ZBTB20: variants seen among roughly 807,000 people sequenced by gnomAD.
The protein encoded by ZBTB20 is zinc finger and BTB domain containing 20, also known as zinc finger and BTB domain-containing protein 20.
In ZBTB20, 9 loss-of-function variants were observed where a neutral mutation model predicts 56.9. The observed-to-expected ratio is 0.16, with a 90% CI of 0.10 to 0.28. The LOEUF (loss-of-function observed/expected upper bound fraction) is 0.28, where lower values mean the gene tolerates loss of function less well. Ranked by LOEUF, ZBTB20 falls within the 10% of genes least tolerant of loss-of-function variation. The probability of loss-of-function intolerance (pLI) is 1.00; values close to 1 mark genes in which losing one functional copy is unlikely to be tolerated. For missense variants in ZBTB20, 655 were observed against 1,003.0 expected, an observed-to-expected ratio of 0.65 and a Z score of 4.69; for synonymous variants, 417 against 420.7, an observed-to-expected ratio of 0.99 and a Z score of 0.11.
intron 6 of ZBTB20, among the ~76,000 whole-genome samples, chr3:114,677,313 C>T (rs1358355781): frequency 6.6e-6 from 1 of 152,138 alleles, no homozygotes; most frequent in Non-Finnish European, 1.5e-5. Context: ...CCTTGACCAG[C>T]AGCCGCCAGT....
chr3:114,795,543 C>A (rs765125681), intron 5 of ZBTB20, among the ~76,000 whole-genome samples: 13 of 152,112 alleles, frequency 8.5e-5, no homozygotes, highest in Non-Finnish European at 1.8e-4. Context: ...TTCTCCCCTC[C>A]CATACTCCGT....
rs1315953562 is a variant in ZBTB20 at position 114,934,194 on chromosome 3, C to T, written c.-455-33852G>A. 3.9e-5 allele frequency among the ~76,000 whole-genome samples: 6 copies of T among 152,266 alleles called. No individual in the cohort carries two copies. In the East Asian group the frequency reaches 1.2e-3, roughly 29 times the overall value. Reference sequence around the variant, plus strand: ...ATGGATCTTTGCACCAAGCATTGTTCCTACTGCCTAAAATGTACCTTCCCC... The same window carrying T: ...ATGGATCTTTGCACCAAGCATTGTTTCTACTGCCTAAAATGTACCTTCCCC... On this transcript the variant is annotated intron_variant, in intron 3 of 11. Transcript: ENST00000675478.
At chr3:114,727,350 G>A (rs1315873587) in intron 5 of ZBTB20, among the ~76,000 whole-genome samples, 1 of 152,100 alleles carries the variant, frequency 6.6e-6, no homozygotes, top group Non-Finnish European at 1.5e-5. Context: ...TTTGTACTTG[G>A]GCTGCACTTA....
intron 5 of ZBTB20, among the ~76,000 whole-genome samples, chr3:114,707,602 T>C (rs2063789728): frequency 1.3e-5 from 2 of 152,184 alleles, no homozygotes; most frequent in Admixed American, 1.3e-4. Context: ...AGCTACCACA[T>C]GAAGGACCCT....
intron 10 of ZBTB20, among the ~76,000 whole-genome samples, chr3:114,376,912 C>T (rs2083706036): frequency 6.6e-6 from 1 of 152,116 alleles, no homozygotes; most frequent in Admixed American, 6.6e-5. Context: ...CAATGGGAGC[C>T]TTATTTGGGG....
intron 3 of ZBTB20, among the ~76,000 whole-genome samples, chr3:114,965,399 CCTGT>C (rs987827066): frequency 1.3e-4 from 20 of 152,122 alleles, no homozygotes; most frequent in African/African-American, 3.9e-4. Context: ...ACTTATTCCT[CCTGT>C]CTAAGTGAAA....
chr3:115,055,844 T>C (rs1250473367), intron 2 of ZBTB20, among the ~76,000 whole-genome samples: 1 of 152,128 alleles, frequency 6.6e-6, no homozygotes, highest in Non-Finnish European at 1.5e-5. Flanking sequence ...TAATTGAAAT[T>C]AATTATAGAG....
intron 3 of ZBTB20, among the ~76,000 whole-genome samples, chr3:114,935,018 G>T (rs1251666377): frequency 6.6e-6 from 1 of 152,022 alleles, no homozygotes; most frequent in African/African-American, 2.4e-5. Flanking sequence ...GGTTTTTATA[G>T]ATATGATTGC....
At chr3:114,556,929 G>A (rs1042374482) in intron 6 of ZBTB20, among the ~76,000 whole-genome samples, 1 of 152,052 alleles carries the variant, frequency 6.6e-6, no homozygotes, top group Non-Finnish European at 1.5e-5. Flanking sequence ...TGTGAACTGA[G>A]CAAAACAACC....
intron 5 of ZBTB20, among the ~76,000 whole-genome samples, chr3:114,782,471 A>AGTGTGCTCTG (rs2070175733): frequency 6.6e-6 from 1 of 152,202 alleles, no homozygotes; most frequent in African/African-American, 2.4e-5. Flanking sequence ...GCTGGGGATA[A>AGTGTGCTCTG]ATGCTCTAAG....
chr3:115,037,027 G>C lies in ZBTB20; in HGVS notation c.-507+34192C>G, dbSNP rs374807447. 2.4e-4 allele frequency among the ~76,000 whole-genome samples: 36 copies of C among 152,228 alleles called. No individual in the cohort carries two copies. The East Asian group carries it at 3.7e-3, about 16-fold the overall frequency. On this transcript the variant is annotated intron_variant, in intron 2 of 11. Coordinates refer to ENST00000675478, the MANE Select transcript of ZBTB20 (RefSeq NM_001348800.3). ...TTAAGGTTCAGGAGAATGATTTGCT[G>C]ATTCAAATGGACAACAGAGAAATCT...
At chr3:114,729,833 T>C (rs1362357534) in intron 5 of ZBTB20, among the ~76,000 whole-genome samples, 1 of 152,064 alleles carries the variant, frequency 6.6e-6, no homozygotes, top group Non-Finnish European at 1.5e-5. Flanking sequence ...AGACAGGGTT[T>C]CACTCTGTCA....
intron 1 of ZBTB20, among the ~76,000 whole-genome samples, chr3:115,146,893 GC>G (rs2085002090): frequency 6.6e-6 from 1 of 150,884 alleles, no homozygotes; most frequent in Non-Finnish European, 1.5e-5. Context: ...CGCCCGCCCC[GC>G]CACCCTTCGA....
chr3:114,560,135 A>C (rs1646713126), intron 6 of ZBTB20, among the ~76,000 whole-genome samples: 1 of 152,232 alleles, frequency 6.6e-6, no homozygotes, highest in Non-Finnish European at 1.5e-5. Context: ...ACAGTGATTA[A>C]GAAACAGTGT....
chr3:114,804,073 A>C (rs2071916836), intron 4 of ZBTB20, among the ~76,000 whole-genome samples: 1 of 151,988 alleles, frequency 6.6e-6, no homozygotes, highest in South Asian at 2.1e-4. Flanking sequence ...ATCCGGAAGA[A>C]TGCTTCTCTG....
intron 10 of ZBTB20, among the ~76,000 whole-genome samples, chr3:114,353,095 C>T (rs2080850437): frequency 1.3e-5 from 2 of 152,348 alleles, no homozygotes; most frequent in South Asian, 4.1e-4. Context: ...TCTCAGATGG[C>T]TCTAGAGAAT....
chr3:115,146,313 A>C (rs1209231162), intron 1 of ZBTB20, among the ~76,000 whole-genome samples: 3 of 146,318 alleles, frequency 2.1e-5, no homozygotes, highest in Non-Finnish European at 3.0e-5. Flanking sequence ...TTATCAATAG[A>C]ACTTTTAGAA....
At chr3:114,860,250 T>C (rs1208994875) in intron 4 of ZBTB20, among the ~76,000 whole-genome samples, 2 of 151,408 alleles carry the variant, frequency 1.3e-5, no homozygotes, top group Non-Finnish European at 2.9e-5. Context: ...GAGGTTGCAG[T>C]GAGCCGAGAT....
intron 4 of ZBTB20, among the ~76,000 whole-genome samples, chr3:114,824,719 A>T (rs1208897452): frequency 6.6e-6 from 1 of 151,914 alleles, no homozygotes; most frequent in African/African-American, 2.4e-5. Flanking sequence ...TATACCACAG[A>T]AAATAGAAGC....
Sources: allele counts gnomAD v4.1 joint callset (sites outside exome capture counted in the v4.1 genomes callset), GRCh38; gene constraint gnomAD v4.1.1; transcripts MANE v1.5; gene names NCBI Gene and HGNC (gene_info 2026-07-23, HGNC 2026-07-21).